The following TENM2 variants were observed in gnomAD, a reference collection of about 807,000 sequenced individuals.
TENM2 encodes teneurin transmembrane protein 2, also known as teneurin-2.
Under a neutral mutation model 245.2 loss-of-function variants are expected in TENM2, and 52 were observed. That is an observed-to-expected ratio of 0.21 (90% confidence interval 0.17 to 0.27). TENM2 has a LOEUF of 0.27. Among genes scored for constraint, TENM2 ranks in the 10% least tolerant of loss-of-function variants. The pLI is 1.00. For synonymous variants in TENM2, 1,363 were observed against 1,438.9 expected, an observed-to-expected ratio of 0.95 and a Z score of 1.19; for missense variants, 3,046 against 3,666.8, an observed-to-expected ratio of 0.83 and a Z score of 4.37.
At chr5:167,030,047 A>G in the TENM2 span, among the ~76,000 whole-genome samples, 1 of 152,174 alleles carries the variant, frequency 6.6e-6, no homozygotes, top group Non-Finnish European at 1.5e-5. Flanking sequence ...CAAACAAATT[A>G]AATCCATGAT....
intron 2 of TENM2, among the ~76,000 whole-genome samples, chr5:167,596,033 T>C (rs1053511794): frequency 1.3e-5 from 2 of 152,176 alleles, no homozygotes; most frequent in African/African-American, 4.8e-5. Context: ...CCTTATTTGA[T>C]TTTGCCCTTC....
chr5:167,495,346 T>C (rs900213155), intron 2 of TENM2, among the ~76,000 whole-genome samples: 2 of 151,948 alleles, frequency 1.3e-5, no homozygotes, highest in Admixed American at 6.6e-5. Context: ...GAAAATTCTT[T>C]GGGGCTGTTT....
intron 2 of TENM2, among the ~76,000 whole-genome samples, chr5:167,632,996 G>A (rs1778974142): frequency 6.6e-6 from 1 of 152,174 alleles, no homozygotes; most frequent in South Asian, 2.1e-4. Context: ...GGGAGAAATT[G>A]AGAACACTTG....
chr5:167,033,413 C>T, the TENM2 span, among the ~76,000 whole-genome samples: 3 of 152,158 alleles, frequency 2.0e-5, no homozygotes, highest in African/African-American at 4.8e-5. Context: ...ATTTCAATTT[C>T]ATTTCTCAAG....
chr5:167,725,146 G>C (rs1395348650), intron 2 of TENM2, among the ~76,000 whole-genome samples: 1 of 152,026 alleles, frequency 6.6e-6, no homozygotes, highest in African/African-American at 2.4e-5. Context: ...CATGGGAAAT[G>C]GATTCTTATT....
intron 2 of TENM2, among the ~76,000 whole-genome samples, chr5:167,807,218 G>A (rs529463508): frequency 6.7e-6 from 1 of 148,388 alleles, no homozygotes; most frequent in South Asian, 2.2e-4. Flanking sequence ...CCTCCCAGTA[G>A]CTGAGGGCAA....
chr5:167,952,619 G>C, exon 4 of TENM2: 1 of 1,612,032 alleles, frequency 6.2e-7, no homozygotes, highest in Non-Finnish European at 8.5e-7. Context: ...AGTCGACTCT[G>C]AGGCCCCCTC....
At chr5:167,950,168 G>A (rs1255333371) in intron 3 of TENM2, among the ~76,000 whole-genome samples, 1 of 152,132 alleles carries the variant, frequency 6.6e-6, no homozygotes, top group African/African-American at 2.4e-5. Flanking sequence ...CTAGTTAACT[G>A]GAAAACTCCC....
intron 3 of TENM2, among the ~76,000 whole-genome samples, chr5:167,928,136 G>T (rs1488828542): frequency 6.6e-6 from 1 of 152,014 alleles, no homozygotes; most frequent in Non-Finnish European, 1.5e-5. Flanking sequence ...GGGTATGGGG[G>T]CATAATAACA....
the TENM2 span, among the ~76,000 whole-genome samples, chr5:167,078,198 G>A: frequency 6.6e-6 from 1 of 151,948 alleles, no homozygotes; most frequent in East Asian, 1.9e-4. Flanking sequence ...AAGTGGGAAT[G>A]TTGGGCCGGG....
chr5:167,344,392 A>G (rs1405707407), intron 1 of TENM2, among the ~76,000 whole-genome samples: 3 of 150,956 alleles, frequency 2.0e-5, no homozygotes, highest in Admixed American at 6.6e-5. Flanking sequence ...AGGCATGGCC[A>G]TCTGAATTGC....
At chr5:168,183,802 TA>T (rs34656922) in intron 13 of TENM2, among the ~76,000 whole-genome samples, 17 of 138,518 alleles carry the variant, frequency 1.2e-4, no homozygotes, top group African/African-American at 3.1e-4. Context: ...TCTGTATAGG[TA>T]AAAAAAAAAC....
chr5:167,355,795 C>T (rs1162123798), intron 1 of TENM2, among the ~76,000 whole-genome samples: 4 of 151,442 alleles, frequency 2.6e-5, no homozygotes, highest in Non-Finnish European at 5.9e-5. Context: ...GCCCGTCATT[C>T]TAGAGATGGA....
At chr5:167,420,484 T>G (rs1763439470) in intron 2 of TENM2, among the ~76,000 whole-genome samples, 1 of 148,324 alleles carries the variant, frequency 6.7e-6, no homozygotes, top group Non-Finnish European at 1.5e-5. Context: ...CCTACCAGTA[T>G]TCTTCTCACT....
At chr5:167,480,417 G>A (rs1767682498) in intron 2 of TENM2, among the ~76,000 whole-genome samples, 1 of 152,120 alleles carries the variant, frequency 6.6e-6, no homozygotes, top group African/African-American at 2.4e-5. Flanking sequence ...ATCTCATAAG[G>A]AGGTGAGCAA....
intron 2 of TENM2, among the ~76,000 whole-genome samples, chr5:167,852,287 A>G (rs1328313033): frequency 6.6e-6 from 1 of 152,236 alleles, no homozygotes; most frequent in Non-Finnish European, 1.5e-5. Context: ...TCAGCTATGA[A>G]GATATCATTA....
chr5:167,564,319 A>G lies in TENM2; in HGVS notation c.502+188846A>G, dbSNP rs183030864. Reference sequence around the variant, plus strand: ...AGAAGAACCTTTGAGGTAGAGGCCTATGCAGCTGAAAAGAGAAAAGTGAGG... The same window carrying G: ...AGAAGAACCTTTGAGGTAGAGGCCTGTGCAGCTGAAAAGAGAAAAGTGAGG... On this transcript the variant is annotated intron_variant, in intron 2 of 28. Coordinates refer to ENST00000518659, the Ensembl canonical transcript of TENM2. Among the ~76,000 whole-genome samples, 285 of 152,282 alleles carry G rather than the reference A, an allele frequency of 1.9e-3. 1 individual carries two copies. Among genetic ancestry groups the G allele is most frequent in the African/African-American group, 6.5e-3 (270 of 41,566 alleles).
chr5:167,068,889 T>C, the TENM2 span, among the ~76,000 whole-genome samples: 3 of 152,230 alleles, frequency 2.0e-5, no homozygotes, highest in Non-Finnish European at 4.4e-5. Context: ...ACTTAGAATA[T>C]TTCTTTTTGG....
At chr5:167,187,462 T>C in the TENM2 span, among the ~76,000 whole-genome samples, 1 of 152,188 alleles carries the variant, frequency 6.6e-6, no homozygotes, top group African/African-American at 2.4e-5. Flanking sequence ...TCTTGCATCT[T>C]AGCTTTACAT....
Sources: gnomAD v4.1 joint callset for allele counts (sites outside exome capture counted in the v4.1 genomes callset) on GRCh38, gnomAD v4.1.1 for gene constraint, MANE v1.5 for transcripts, NCBI Gene and HGNC (gene_info 2026-07-23, HGNC 2026-07-21) for gene names.